LRFN2: variants seen among roughly 807,000 people sequenced by gnomAD.
LRFN2 encodes leucine-rich repeat and fibronectin type-III domain-containing protein 2.
A neutral mutation model predicts 37.3 loss-of-function variants in LRFN2; 18 were observed. The ratio of observed to expected loss-of-function variants is 0.48; its 90% CI spans 0.33 to 0.72. The LOEUF is 0.72. LRFN2 is among the 30% of genes least tolerant of loss of function. The probability of loss-of-function intolerance (pLI) is 0.02; values close to 1 mark genes in which losing one functional copy is unlikely to be tolerated. For synonymous variants in LRFN2, 556 were observed against 466.6 expected, an observed-to-expected ratio of 1.19 and a Z score of -2.47; for missense variants, 1,006 against 1,060.7, an observed-to-expected ratio of 0.95 and a Z score of 0.72.
intron 2 of LRFN2, among the ~76,000 whole-genome samples, chr6:40,394,906 C>G (rs912317951): frequency 6.6e-6 from 1 of 151,926 alleles, no homozygotes; most frequent in Non-Finnish European, 1.5e-5. Context: ...GATTGTGAGG[C>G]CTCCCCAGCC....
chr6:40,452,767 A>G (rs1353396361), intron 1 of LRFN2, among the ~76,000 whole-genome samples: 6 of 152,232 alleles, frequency 3.9e-5, no homozygotes, highest in South Asian at 2.1e-4. Flanking sequence ...TTCTCCCCCA[A>G]TACTTCCTTA....
At chr6:40,548,700 C>T (rs934742323) in intron 1 of LRFN2, among the ~76,000 whole-genome samples, 4 of 152,162 alleles carry the variant, frequency 2.6e-5, no homozygotes, top group Non-Finnish European at 4.4e-5. Context: ...TAAACAGGTC[C>T]TATCAGAGTG....
At chr6:40,512,403 C>A (rs769536947) in intron 1 of LRFN2, among the ~76,000 whole-genome samples, 1 of 152,170 alleles carries the variant, frequency 6.6e-6, no homozygotes, top group Non-Finnish European at 1.5e-5. Flanking sequence ...AGCGATATTT[C>A]TTTCTTAGGG....
At chr6:40,581,820 G>C (rs531358119) in intron 1 of LRFN2, among the ~76,000 whole-genome samples, 2 of 152,134 alleles carry the variant, frequency 1.3e-5, no homozygotes, top group African/African-American at 4.8e-5. Context: ...AGTCCTGCAG[G>C]CTGAGTGGCC....
chr6:40,572,588 T>A (rs1581800639), intron 1 of LRFN2, among the ~76,000 whole-genome samples: 1 of 152,114 alleles, frequency 6.6e-6, no homozygotes, highest in Admixed American at 6.5e-5. Flanking sequence ...GCTGCCTGGG[T>A]TTTATGGGGC....
intron 1 of LRFN2, among the ~76,000 whole-genome samples, chr6:40,507,441 G>T (rs919087162): frequency 6.6e-6 from 1 of 152,344 alleles, no homozygotes; most frequent in African/African-American, 2.4e-5. Flanking sequence ...CTTGCTGAGA[G>T]AGGGCTGAGC....
chr6:40,539,675 A>G (rs867017602), intron 1 of LRFN2, among the ~76,000 whole-genome samples: 8 of 152,322 alleles, frequency 5.3e-5, no homozygotes, highest in Middle Eastern at 3.4e-3. Context: ...TCATTCACAC[A>G]GGATTCGCAG....
intron 2 of LRFN2, among the ~76,000 whole-genome samples, chr6:40,430,826 T>C (rs955359400): frequency 6.6e-6 from 1 of 152,168 alleles, no homozygotes; most frequent in Non-Finnish European, 1.5e-5. Flanking sequence ...GCTCACATGA[T>C]GTGGTCTGAC....
At chr6:40,447,998 G>C (rs10947890) in intron 1 of LRFN2, among the ~76,000 whole-genome samples, 117,990 of 152,200 alleles carry the variant, frequency 0.78, 47,034 homozygotes, top group Middle Eastern at 0.89. Context: ...AAGAAAGAAT[G>C]GGGAGCATGC....
intron 1 of LRFN2, among the ~76,000 whole-genome samples, chr6:40,465,768 G>C (rs1386839727): frequency 2.0e-5 from 3 of 152,138 alleles, no homozygotes; most frequent in Non-Finnish European, 4.4e-5. Context: ...AATACCAGGA[G>C]TGAGGAGGGT....
chr6:40,501,169 A>T (rs994932079), intron 1 of LRFN2, among the ~76,000 whole-genome samples: 1 of 151,050 alleles, frequency 6.6e-6, no homozygotes, highest in African/African-American at 2.4e-5. Flanking sequence ...TCTGTCTAAA[A>T]TAATATAAAT....
chr6:40,482,424 G>A (rs2113864347), intron 1 of LRFN2, among the ~76,000 whole-genome samples: 1 of 152,144 alleles, frequency 6.6e-6, no homozygotes, highest in Non-Finnish European at 1.5e-5. Context: ...CATCCTCAGG[G>A]GTGGAACCAC....
At chr6:40,577,063 C>T (rs935828970) in intron 1 of LRFN2, among the ~76,000 whole-genome samples, 4 of 88,178 alleles carry the variant, frequency 4.5e-5, no homozygotes, top group East Asian at 2.6e-4. Flanking sequence ...TCTTCTGGGT[C>T]CTGGTCCAAG....
chr6:40,425,298 C>T (rs1283450602), intron 2 of LRFN2, among the ~76,000 whole-genome samples: 1 of 152,220 alleles, frequency 6.6e-6, no homozygotes, highest in African/African-American at 2.4e-5. Context: ...CAACACAAGG[C>T]ATGGCTGCAT....
chr6:40,473,048 T>A (rs796535264), intron 1 of LRFN2, among the ~76,000 whole-genome samples: 6 of 152,246 alleles, frequency 3.9e-5, no homozygotes, highest in African/African-American at 1.2e-4. Flanking sequence ...GCCTCATCCC[T>A]GCCTCTCGGG....
intron 1 of LRFN2, among the ~76,000 whole-genome samples, chr6:40,521,992 G>A (rs1223644514): frequency 1.3e-5 from 2 of 152,172 alleles, no homozygotes; most frequent in Non-Finnish European, 2.9e-5. Context: ...AAGGATTAAG[G>A]CCATGCCTCC....
intron 1 of LRFN2, among the ~76,000 whole-genome samples, chr6:40,570,731 A>C (rs916878762): frequency 3.9e-5 from 6 of 152,230 alleles, no homozygotes; most frequent in Non-Finnish European, 7.3e-5. Context: ...CATCTGAAGG[A>C]CGAGTAGTGT....
intron 1 of LRFN2, among the ~76,000 whole-genome samples, chr6:40,561,882 C>T (rs2113788858): frequency 6.6e-6 from 1 of 152,144 alleles, no homozygotes; most frequent in African/African-American, 2.4e-5. Flanking sequence ...GCTCAGGCCT[C>T]AGGGAACCCT....
intron 1 of LRFN2, among the ~76,000 whole-genome samples, chr6:40,491,172 T>C (rs148117678): frequency 2.3e-3 from 357 of 152,324 alleles, no homozygotes; most frequent in African/African-American, 8.3e-3. Context: ...GGCTGTGACA[T>C]ACCGTCACCA....
Sources: gnomAD v4.1 joint callset for allele counts (sites outside exome capture counted in the v4.1 genomes callset) on GRCh38, gnomAD v4.1.1 for gene constraint, MANE v1.5 for transcripts, NCBI Gene and HGNC (gene_info 2026-07-23, HGNC 2026-07-21) for gene names.